Variants in SLC44A4 observed in about 807,000 individuals in gnomAD.
The protein encoded by SLC44A4 is solute carrier family 44 member 4.
A neutral mutation model predicts 97.0 loss-of-function variants in SLC44A4; 74 were observed. That is an observed-to-expected ratio of 0.76 (90% CI 0.63 to 0.93). The LOEUF (loss-of-function observed/expected upper bound fraction) is 0.93. Ranked by LOEUF, SLC44A4 falls within the 40% of genes least tolerant of loss-of-function variation. The probability of loss-of-function intolerance (pLI) is 0.00; values close to 1 mark genes in which losing one functional copy is unlikely to be tolerated. For synonymous variants in SLC44A4, 325 were observed against 363.8 expected, an observed-to-expected ratio of 0.89 and a Z score of 1.21; for missense variants, 799 against 902.9, an observed-to-expected ratio of 0.88 and a Z score of 1.48.
chr6:31,864,976 C>G (rs774484910), intron 18 of SLC44A4, 34 bp downstream of exon 18: 1 of 1,614,002 alleles, frequency 6.2e-7, no homozygotes, highest in Non-Finnish European at 8.5e-7. Flanking sequence ...CCCAGCACCC[C>G]TACCCTCTGT....
In SLC44A4 at chr6:31,876,892, C is replaced by T; in HGVS notation, c.89+142G>A. On this transcript the variant is annotated intron_variant, in intron 2 of 20. Coordinates refer to ENST00000229729, the MANE Select transcript of SLC44A4 (RefSeq NM_025257.3). The surrounding 1 kb of genome is among the most constrained non-coding windows in gnomAD (Gnocchi z 4.8). ...TGCCTGCTCCAGACACAACAATCCC[C>T]CCAGGGCACCACCCATCTGGGGCAG... The T allele has an allele frequency of 3.5e-6, 3 of 855,392 alleles. No individual in the cohort carries two copies. Among genetic ancestry groups the T allele is most frequent in the East Asian group, 2.7e-5 (1 of 37,318 alleles). The allele number at this position is 855,392 out of a possible 1,614,324, so 53.0% of individuals were successfully genotyped here.
Position 31,865,507 on chromosome 6 carries a change from T to A in SLC44A4, c.1677A>T (p.Ala559=). The A allele has an allele frequency of 6.2e-7, 1 of 1,606,736 alleles. No homozygotes were observed. Among genetic ancestry groups the A allele is most frequent in the Non-Finnish European group, 8.5e-7 (1 of 1,174,324 alleles). The part of the protein sequence containing the change: ...EKFIKFLNRN[A]YIMIAIYGKN... ...TTGCAGTGTAGCTCACCATGATGTA[T>A]GCATTGCGGTTTAGGAACTTGATAA... Residue 559 remains alanine, a synonymous_variant, in exon 16 of 21, where the codon GCA becomes GCT. Transcript: ENST00000229729. This position sits in a 1 kb window ranked among gnomAD's most constrained non-coding sequence, Gnocchi z 5.2.
chr6:31,866,025 A>G lies in SLC44A4; in HGVS notation c.1335T>C (p.Tyr445=). ...IQRSVFNLQI[Y]GVLGLFWTLN... is the part of the protein sequence containing the mutation. Reference sequence around the variant, plus strand: ...GGGTCCAGAAGAGCCCCAGGACCCCATAGATTTGCAGATTGAAGACAGAAC... The same window carrying G: ...GGGTCCAGAAGAGCCCCAGGACCCCGTAGATTTGCAGATTGAAGACAGAAC... Residue 445 remains tyrosine, a synonymous_variant, in exon 14 of 21, where the codon TAT becomes TAC. Coordinates refer to ENST00000229729, the MANE Select transcript of SLC44A4 (RefSeq NM_025257.3). 1 of 1,614,238 alleles carries G rather than the reference A, an allele frequency of 6.2e-7. No individual in the cohort carries two copies. The highest frequency in any genetic ancestry group is 8.5e-7 in the Non-Finnish European group (1 of 1,180,038).
At chr6:31,875,632 C>T (rs1763399629) in intron 4 of SLC44A4, among the ~76,000 whole-genome samples, 1 of 152,198 alleles carries the variant, frequency 6.6e-6, no homozygotes. Flanking sequence ...CGACTCTCCA[C>T]TGCCTCCCAT....
intron 12 of SLC44A4, 52 bp from the exon 13 acceptor site, chr6:31,869,309 C>T (rs762325993): frequency 1.2e-5 from 17 of 1,395,844 alleles, no homozygotes; most frequent in Admixed American, 1.0e-4. Context: ...ACAGGTCACT[C>T]GCTCCTTAGG....
At chr6:31,871,101 C>T in intron 9 of SLC44A4, 54 bp from the exon 10 acceptor site, 1 of 1,507,346 alleles carries the variant, frequency 6.6e-7, no homozygotes, top group Non-Finnish European at 9.0e-7. Flanking sequence ...AAATCTTTCC[C>T]CTTACAGAGG....
rs748071311 is a variant in SLC44A4 at position 31,877,029 on chromosome 6, C to T, written c.89+5G>A. 1.9e-6 allele frequency: 3 copies of T among 1,607,486 alleles called. No individual in the cohort carries two copies. The highest frequency in any genetic ancestry group is 2.5e-6 in the Non-Finnish European group (3 of 1,177,690). ...CCAGCCCCCGGAGCAGTGCCCAGAGCTCACCTGTTCTTGATGGGGCCTCGA... is the reference window on the plus strand; with the variant it reads ...CCAGCCCCCGGAGCAGTGCCCAGAGTTCACCTGTTCTTGATGGGGCCTCGA... On this transcript the variant is annotated splice_donor_5th_base_variant and intron_variant, in intron 2 of 20. Coordinates refer to ENST00000229729, the MANE Select transcript of SLC44A4 (RefSeq NM_025257.3). The surrounding 1 kb of genome is among the most constrained non-coding windows in gnomAD (Gnocchi z 6.5).
rs766343959 is a variant in SLC44A4, at chr6:31,869,140, C to T, written c.1233+15G>A. 1 of 1,593,220 alleles carries T rather than the reference C, an allele frequency of 6.3e-7. No homozygotes were observed. The highest frequency in any genetic ancestry group is 2.2e-5 in the East Asian group (1 of 44,720). ...CCCTACTAGTCCCGCCTCCATGTCC[C>T]CTGCTTCCTCTTACCGTGGGGTTGC... On this transcript the variant is annotated intron_variant, in intron 13 of 20. Transcript: ENST00000229729.
chr6:31,873,650 A>G (rs1763291187), intron 7 of SLC44A4, among the ~76,000 whole-genome samples: 1 of 150,156 alleles, frequency 6.7e-6, no homozygotes, highest in Non-Finnish European at 1.5e-5. Flanking sequence ...AAAAAAAGAC[A>G]TTTGCTACTG....
Position 31,875,878 on chromosome 6 carries a change from C to T in SLC44A4, c.216G>A (p.Gly72=), listed in dbSNP as rs942770075. 4 of 1,612,928 alleles carry T rather than the reference C, an allele frequency of 2.5e-6. No homozygotes were observed. The highest frequency in any genetic ancestry group is 1.3e-5 in the African/African-American group (1 of 74,886). The change falls in exon 4 of 21, where the codon GGG becomes GGA. Residue 72 remains glycine (G), a synonymous_variant. Transcript: ENST00000229729. ...TGTTCTCCCCCATGCCACAGTAGGC[C>T]CCAGTAGAGTTCCTGGGGTAGAGGA... ...RQVLYPRNST[G]AYCGMGENKD... is the part of the protein sequence containing the mutation.
chr6:31,874,679 GC>G lies in SLC44A4; in HGVS notation c.468+41del. 6.3e-7 allele frequency: 1 copy of G among 1,576,870 alleles called. No homozygotes were observed. The highest frequency in any genetic ancestry group is 8.6e-7 in the Non-Finnish European group (1 of 1,162,232). On this transcript the variant is annotated intron_variant, in intron 6 of 20. Coordinates refer to ENST00000229729, the MANE Select transcript of SLC44A4 (RefSeq NM_025257.3). The surrounding 1 kb of genome is among the most constrained non-coding windows in gnomAD (Gnocchi z 4.8). ...CCCCCTCCCTCTCGTGCCCACCCTG[GC>G]CCTTCTGGGCGACAGTGATGAGGTT...
Position 31,875,864 on chromosome 6 carries a change from A to T in SLC44A4, c.230T>A (p.Met77Lys). 1 of 1,611,270 alleles carries T rather than the reference A, an allele frequency of 6.2e-7. No homozygotes were observed. Among genetic ancestry groups the T allele is most frequent in the Admixed American group, 1.7e-5 (1 of 59,840 alleles). The change falls in exon 4 of 21, where the codon ATG becomes AAG. Residue 77 changes from methionine (M) to lysine (K), a missense_variant. Transcript: ENST00000229729. ...CCTTTGTACTCACTTGTTCTCCCCC[A>T]TGCCACAGTAGGCCCCAGTAGAGTT... ...PRNSTGAYCG[M>K]GENKDKPYLL...
rs578006503 is a variant in SLC44A4, at chr6:31,878,520, G to C, written c.40+421C>G. 6.6e-6 allele frequency among the ~76,000 whole-genome samples: 1 copy of C among 152,058 alleles called. No homozygotes were observed. The highest frequency in any genetic ancestry group is 2.4e-5 in the African/African-American group (1 of 41,388). ...GGCTGAACCTCCTCCTCCTTACAGGGACCCTGGCCTCACTGGTTGCAGGCT... is the reference window on the plus strand; with the variant it reads ...GGCTGAACCTCCTCCTCCTTACAGGCACCCTGGCCTCACTGGTTGCAGGCT... On this transcript the variant is annotated intron_variant, in intron 1 of 20. Coordinates refer to ENST00000229729, the MANE Select transcript of SLC44A4 (RefSeq NM_025257.3). This position sits in a 1 kb window ranked among gnomAD's most constrained non-coding sequence, Gnocchi z 4.0.
chr6:31,869,712 G>C, intron 11 of SLC44A4, 75 bp from the exon 12 acceptor site: 1 of 1,229,836 alleles, frequency 8.1e-7, no homozygotes, highest in Non-Finnish European at 1.2e-6. Flanking sequence ...CCGGCCGGGC[G>C]CAGTGGCTCA....
intron 7 of SLC44A4, among the ~76,000 whole-genome samples, chr6:31,873,017 C>T (rs614008): frequency 0.65 from 98,470 of 151,954 alleles, 32,228 homozygotes; most frequent in Middle Eastern, 0.79. Context: ...GCTGGGATTT[C>T]AGGTGCCCAC....
Position 31,876,167 on chromosome 6 carries a change from AC to A in SLC44A4, c.90-39del. On this transcript the variant is annotated intron_variant, in intron 2 of 20. Transcript: ENST00000229729. The surrounding 1 kb of genome is among the most constrained non-coding windows in gnomAD (Gnocchi z 4.8). ...CGAAACGGGAGGCTGAGCTAAGGAG[AC>A]TTGGGGAGGTAGGGCTTATGGTCTG... 1.3e-6 allele frequency: 2 copies of A among 1,573,922 alleles called. No individual in the cohort carries two copies. The highest frequency in any genetic ancestry group is 1.7e-6 in the Non-Finnish European group (2 of 1,151,044).
chr6:31,875,118 TG>T, intron 4 of SLC44A4, 90 bp from the exon 5 acceptor site: 1 of 1,037,918 alleles, frequency 9.6e-7, no homozygotes. Flanking sequence ...AAGAATACAG[TG>T]GGCCCAGCCC....
chr6:31,870,841 T>C lies in SLC44A4; in HGVS notation c.908A>G (p.Gln303Arg). ...GGCCAGCCAGGTCTCCTGCACGCTCTGGTAGGCACTGAGGTTGGTGGTGAA... is the reference window on the plus strand; with the variant it reads ...GGCCAGCCAGGTCTCCTGCACGCTCCGGTAGGCACTGAGGTTGGTGGTGAA... The part of the protein sequence containing the change: ...LGFTTNLSAY[Q>R]SVQETWLAAL... Residue 303 changes from glutamine (Q) to arginine (R), a missense_variant, in exon 10 of 21, where the codon CAG (glutamine) becomes CGG (arginine). Transcript: ENST00000229729. 2 of 1,613,060 alleles carry C rather than the reference T, an allele frequency of 1.2e-6. No homozygotes were observed. The highest frequency in any genetic ancestry group is 1.7e-6 in the Non-Finnish European group (2 of 1,180,014).
chr6:31,863,485 C>G lies in SLC44A4; in HGVS notation c.*142G>C. 1 of 1,236,064 alleles carries G rather than the reference C, an allele frequency of 8.1e-7. No individual in the cohort carries two copies. Among genetic ancestry groups the G allele is most frequent in the Non-Finnish European group, 1.1e-6 (1 of 924,932 alleles). 76.6% of individuals were successfully genotyped at this position (1,236,064 alleles called of 1,614,324 possible). A position where few individuals can be genotyped will look rare whatever the true frequency, so the allele number is the denominator to read the frequency against. On this transcript the variant is annotated 3_prime_UTR_variant, in exon 21 of 21. Transcript: ENST00000229729. ...AGGTGATCCGCCCGCCTCAGCCTCT[C>G]AAAGTGTTGGATTACAGGCGTGAGC...
Sources: allele counts gnomAD v4.1 joint callset (sites outside exome capture counted in the v4.1 genomes callset), GRCh38; gene constraint gnomAD v4.1.1; non-coding constraint Gnocchi (gnomAD v3.1); transcripts MANE v1.5; gene names NCBI Gene and HGNC (gene_info 2026-07-23, HGNC 2026-07-21).